Variants in DIMT1 observed in about 807,000 individuals in gnomAD.
The protein encoded by DIMT1 is DIM1 rRNA methyltransferase and ribosome maturation factor.
Under a neutral mutation model 43.2 loss-of-function variants are expected in DIMT1, and 36 were observed. The observed-to-expected ratio is 0.83, with a 90% CI of 0.64 to 1.10. The LOEUF is 1.10. Ranked by LOEUF, DIMT1 falls within the 50% of genes least tolerant of loss-of-function variation. The pLI, the probability that DIMT1 is intolerant of heterozygous loss-of-function variation, is 0.00. For missense variants in DIMT1, 341 were observed against 385.3 expected (o/e 0.88, Z 0.96); for synonymous variants, 126 against 130.3 (o/e 0.97, Z 0.22).
At chr5:62,391,695 G>T (rs1482393732) in intron 10 of DIMT1, 5 of 1,270,600 alleles carry the variant, frequency 3.9e-6, no homozygotes, top group African/African-American at 1.5e-5. Context: ...CAAATGATAC[G>T]CATGAGGCTC....
At chr5:62,399,416 A>C (rs1353611025) in intron 3 of DIMT1, among the ~76,000 whole-genome samples, 1 of 152,038 alleles carries the variant, frequency 6.6e-6, no homozygotes, top group Non-Finnish European at 1.5e-5. Context: ...CAGTGAGTCG[A>C]GATCGCACCA....
chr5:62,389,204 G>A (rs2112029048), intron 11 of DIMT1, 152 bp from the exon 12 acceptor site: 1 of 676,690 alleles, frequency 1.5e-6, no homozygotes, highest in Non-Finnish European at 2.4e-6. Flanking sequence ...AAACGTTACT[G>A]GCTGGGCGCA....
chr5:62,402,854 C>A (rs1349633196), intron 2 of DIMT1, among the ~76,000 whole-genome samples: 1 of 152,122 alleles, frequency 6.6e-6, no homozygotes, highest in African/African-American at 2.4e-5. Context: ...ATACTCCAAG[C>A]AATTTATATG....
At chr5:62,393,836 A>T in intron 8 of DIMT1, 119 bp downstream of exon 8, 1 of 872,780 alleles carries the variant, frequency 1.1e-6, no homozygotes, top group Non-Finnish European at 1.7e-6. Flanking sequence ...TGTCCTAATT[A>T]ACATTTTCCT....
intron 11 of DIMT1, among the ~76,000 whole-genome samples, chr5:62,390,524 A>G (rs529125236): frequency 6.6e-6 from 1 of 152,276 alleles, no homozygotes; most frequent in African/African-American, 2.4e-5. Flanking sequence ...TTTCTACCTT[A>G]TGGACTATTT....
At chr5:62,398,332 G>A in intron 6 of DIMT1, 179 bp downstream of exon 6, 1 of 619,388 alleles carries the variant, frequency 1.6e-6, no homozygotes, top group South Asian at 2.1e-5. Context: ...AGGACTTCCA[G>A]CACACTACCC....
At position 62,399,861 on chromosome 5, in the gene DIMT1, G is replaced by T. The variant is rs149682772; in HGVS notation, c.241-980C>A. Among the ~76,000 whole-genome samples, 516 of 152,062 alleles carry T rather than the reference G, an allele frequency of 3.4e-3. 4 individuals carry two copies. Among genetic ancestry groups the T allele is most frequent in the African/African-American group, 0.012 (497 of 41,486 alleles). On this transcript the variant is annotated intron_variant, in intron 3 of 11. Coordinates refer to ENST00000199320, the MANE Select transcript of DIMT1 (RefSeq NM_014473.4). The stretch of plus-strand genomic sequence containing the variant: ...TCAGAGGTTGCAGTGAGCCGAGATC[G>T]CGCCACAGCACTCCAGCCTGGCAAC...
rs193199341 is a variant in DIMT1 at position 62,395,271 on chromosome 5, C to T, written c.447-664G>A. 8.4e-4 allele frequency among the ~76,000 whole-genome samples: 128 copies of T among 152,090 alleles called. 1 individual carries two copies. The highest frequency in any genetic ancestry group is 2.8e-3 in the African/African-American group (116 of 41,502). On this transcript the variant is annotated intron_variant, in intron 6 of 11. Transcript: ENST00000199320. Reference sequence around the variant, plus strand: ...AACTCCTGACCTCAGGTGATCCGCCCACCTCAGCCTCCCAAAGTGCTGGGA... The same window carrying T: ...AACTCCTGACCTCAGGTGATCCGCCTACCTCAGCCTCCCAAAGTGCTGGGA...
intron 4 of DIMT1, 39 bp downstream of exon 4, chr5:62,398,781 G>A (rs201686254): frequency 2.7e-5 from 43 of 1,613,614 alleles, no homozygotes; most frequent in African/African-American, 5.3e-5. Context: ...GTTGTTTCAT[G>A]AGATTGAAAT....
chr5:62,400,941 G>C (rs1022939181), intron 3 of DIMT1, among the ~76,000 whole-genome samples: 2 of 151,018 alleles, frequency 1.3e-5, no homozygotes, highest in African/African-American at 4.9e-5. Context: ...TGTAGAGATG[G>C]GGTTTCACCA....
chr5:62,392,564 A>C (rs2112037471), intron 9 of DIMT1, among the ~76,000 whole-genome samples: 1 of 152,274 alleles, frequency 6.6e-6, no homozygotes, highest in South Asian at 2.1e-4. Flanking sequence ...TTTACCCTTG[A>C]ACCCCAAATT....
At chr5:62,389,707 A>G (rs1031884069) in intron 11 of DIMT1, among the ~76,000 whole-genome samples, 2 of 152,162 alleles carry the variant, frequency 1.3e-5, no homozygotes, top group African/African-American at 4.8e-5. Flanking sequence ...AAGTCAGATG[A>G]AAAACCAATC....
At position 62,398,889 on chromosome 5, in the gene DIMT1, A is replaced by T. The variant is rs747219706; in HGVS notation, c.241-8T>A. ...AAGTTCACAAGCAACAACCTAATTT[A>T]AAAAAAATAAAAATTATTTAGGTTA... On this transcript the variant is annotated splice_polypyrimidine_tract_variant and splice_region_variant and intron_variant, in intron 3 of 11. Transcript: ENST00000199320. 1.1e-5 allele frequency: 17 copies of T among 1,578,920 alleles called. No individual in the cohort carries two copies. The highest frequency in any genetic ancestry group is 4.6e-5 in the East Asian group (2 of 43,714).
At chr5:62,390,583 G>A (rs1173988849) in intron 11 of DIMT1, among the ~76,000 whole-genome samples, 1 of 152,190 alleles carries the variant, frequency 6.6e-6, no homozygotes, top group Non-Finnish European at 1.5e-5. Context: ...AGTTGGGGAA[G>A]GAGCAGGAAG....
intron 10 of DIMT1, chr5:62,391,669 C>T (rs986951352): frequency 7.5e-5 from 87 of 1,163,832 alleles, no homozygotes; most frequent in South Asian, 1.3e-4. Context: ...AACATCACAT[C>T]GCACACACTG....
intron 11 of DIMT1, among the ~76,000 whole-genome samples, chr5:62,389,314 C>T (rs1396094671): frequency 1.3e-5 from 2 of 151,484 alleles, no homozygotes; most frequent in African/African-American, 4.9e-5. Flanking sequence ...GGTGAAACCC[C>T]GTCTCTACTA....
intron 8 of DIMT1, 100 bp downstream of exon 8, chr5:62,393,855 A>C (rs115430137): frequency 9.9e-7 from 1 of 1,013,634 alleles, no homozygotes; most frequent in African/African-American, 1.7e-5. Flanking sequence ...CTATGTTTGA[A>C]TATTTAGGTT....
At chr5:62,399,787 T>G (rs955033133) in intron 3 of DIMT1, among the ~76,000 whole-genome samples, 1 of 151,906 alleles carries the variant, frequency 6.6e-6, no homozygotes, top group African/African-American at 2.4e-5. Context: ...GTGCCTGTAA[T>G]CCCAGCTACT....
chr5:62,391,841 AATT>A (rs1742314775), intron 10 of DIMT1: 1 of 1,462,036 alleles, frequency 6.8e-7, no homozygotes, highest in South Asian at 1.4e-5. Context: ...TAAACTACAC[AATT>A]ATTTTAAGTT....
Sources: allele counts gnomAD v4.1 joint callset (sites outside exome capture counted in the v4.1 genomes callset), GRCh38; gene constraint gnomAD v4.1.1; transcripts MANE v1.5; gene names NCBI Gene and HGNC (gene_info 2026-07-23, HGNC 2026-07-21).